The following TAFA2 variants were observed in gnomAD, a reference collection of about 807,000 sequenced individuals.
The protein encoded by TAFA2 is chemokine-like protein TAFA-2.
In TAFA2, 7 loss-of-function variants were observed where a neutral mutation model predicts 18.8. That is an observed-to-expected ratio of 0.37 (90% confidence interval 0.21 to 0.70). TAFA2 has a LOEUF of 0.70. TAFA2 is among the 30% of genes least tolerant of loss of function. The pLI, the probability that TAFA2 is intolerant of heterozygous loss-of-function variation, is 0.53. For missense variants in TAFA2, 122 were observed against 158.1 expected (o/e 0.77, Z 1.23); for synonymous variants, 60 against 54.2 (o/e 1.11, Z -0.47).
chr12:62,234,710 C>T (rs1010352381), intron 1 of TAFA2: 41 of 1,071,746 alleles, frequency 3.8e-5, no homozygotes, highest in Non-Finnish European at 5.5e-5. Flanking sequence ...AAGGCCTTGC[C>T]TCTGAGGAGC....
At chr12:61,984,362 A>T (rs1879745110) in intron 1 of TAFA2, among the ~76,000 whole-genome samples, 1 of 152,198 alleles carries the variant, frequency 6.6e-6, no homozygotes, top group Non-Finnish European at 1.5e-5. Flanking sequence ...GTGCAGGAGA[A>T]CCCCGGTCTT....
chr12:61,750,790 G>A (rs969189799), intron 4 of TAFA2, among the ~76,000 whole-genome samples: 2 of 152,080 alleles, frequency 1.3e-5, no homozygotes, highest in Non-Finnish European at 2.9e-5. Context: ...TATTTCTCAA[G>A]CCATTTTGCT....
At chr12:61,746,234 T>A (rs554737469) in intron 4 of TAFA2, among the ~76,000 whole-genome samples, 8 of 152,188 alleles carry the variant, frequency 5.3e-5, no homozygotes, top group Non-Finnish European at 1.0e-4. Flanking sequence ...TTCCCTTGCT[T>A]GCACTCACTC....
chr12:62,196,119 C>A (rs992925347), upstream of TAFA2, among the ~76,000 whole-genome samples: 2 of 152,178 alleles, frequency 1.3e-5, no homozygotes, highest in African/African-American at 2.4e-5. Context: ...CATGAACCAA[C>A]CTCTGCTAGT....
At chr12:61,880,190 C>A (rs549909511) in intron 1 of TAFA2, 22 of 522,936 alleles carry the variant, frequency 4.2e-5, no homozygotes, top group Non-Finnish European at 5.7e-5. Flanking sequence ...TGAGGACCTG[C>A]AGATGCTGGC....
intron 1 of TAFA2, among the ~76,000 whole-genome samples, chr12:62,102,037 G>A (rs1869230941): frequency 6.6e-6 from 1 of 152,152 alleles, no homozygotes; most frequent in African/African-American, 2.4e-5. Flanking sequence ...GGACAAGTAG[G>A]AGTTTGCCTA....
chr12:61,915,199 C>T (rs890610445), intron 1 of TAFA2, among the ~76,000 whole-genome samples: 1 of 152,056 alleles, frequency 6.6e-6, no homozygotes, highest in Non-Finnish European at 1.5e-5. Context: ...AGTGATGTGG[C>T]GTAGTCTAGA....
chr12:62,125,957 T>C (rs538029508), intron 1 of TAFA2, among the ~76,000 whole-genome samples: 2 of 152,114 alleles, frequency 1.3e-5, no homozygotes, highest in South Asian at 4.1e-4. Context: ...AATAAGTGAA[T>C]CTGATATTAT....
At chr12:61,755,709 C>A (rs1381549206) in intron 2 of TAFA2, among the ~76,000 whole-genome samples, 2 of 152,060 alleles carry the variant, frequency 1.3e-5, no homozygotes, top group Admixed American at 1.3e-4. Context: ...TGCCTGTAAA[C>A]CCAGTCCAAT....
chr12:61,907,541 T>TG (rs529224989), intron 1 of TAFA2, among the ~76,000 whole-genome samples: 118 of 152,130 alleles, frequency 7.8e-4, no homozygotes, highest in African/African-American at 2.7e-3. Flanking sequence ...GCTGCAGGGG[T>TG]GGGGCCCTCA....
intron 1 of TAFA2, among the ~76,000 whole-genome samples, chr12:61,902,007 T>G (rs1489401460): frequency 6.6e-6 from 1 of 151,120 alleles, no homozygotes; most frequent in East Asian, 1.9e-4. Flanking sequence ...TAGCTATACC[T>G]GTGGATACCA....
At chr12:61,924,948 T>C (rs1483454930) in intron 1 of TAFA2, among the ~76,000 whole-genome samples, 1 of 152,074 alleles carries the variant, frequency 6.6e-6, no homozygotes, top group Non-Finnish European at 1.5e-5. Context: ...TAGTCTCTGA[T>C]GAAACAGATT....
At chr12:61,776,182 G>T (rs1870253910) in intron 2 of TAFA2, 3 of 311,958 alleles carry the variant, frequency 9.6e-6, no homozygotes, top group Non-Finnish European at 1.9e-5. Context: ...CTTGCCAAAA[G>T]AATTAATGTG....
At position 61,796,764 on chromosome 12, in the gene TAFA2, G is replaced by GA. The variant is rs1319779124; in HGVS notation, c.107-41741dup. 4.6e-5 allele frequency among the ~76,000 whole-genome samples: 7 copies of GA among 152,256 alleles called. No homozygotes were observed. In the South Asian group the frequency reaches 1.0e-3, roughly 23 times the overall value. ...ATTTGTCTTTGTGCTTAATAGATGA[G>GA]AAAATAGTGCCTTCCTTCAATTTAT... On this transcript the variant is annotated intron_variant, in intron 2 of 4. Transcript: ENST00000416284.
intron 1 of TAFA2, among the ~76,000 whole-genome samples, chr12:61,911,442 T>C (rs1365188949): frequency 1.3e-5 from 2 of 152,218 alleles, no homozygotes. Flanking sequence ...TGTGTTTAAT[T>C]CTTTCCATGT....
intron 1 of TAFA2, among the ~76,000 whole-genome samples, chr12:62,071,776 T>C (rs1035005608): frequency 1.3e-5 from 2 of 152,158 alleles, no homozygotes; most frequent in African/African-American, 4.8e-5. Context: ...AGAATAAGGC[T>C]AACTTCTAGA....
At chr12:61,944,679 C>T (rs1878189215) in intron 1 of TAFA2, among the ~76,000 whole-genome samples, 1 of 141,548 alleles carries the variant, frequency 7.1e-6, no homozygotes, top group African/African-American at 2.6e-5. Flanking sequence ...ACAAACACCT[C>T]TATGCAAATA....
At chr12:61,916,979 CTAAT>C (rs1188730805) in intron 1 of TAFA2, among the ~76,000 whole-genome samples, 1 of 152,150 alleles carries the variant, frequency 6.6e-6, no homozygotes, top group Non-Finnish European at 1.5e-5. Context: ...TCATTCATGT[CTAAT>C]TAACCTAAAT....
Position 61,984,171 on chromosome 12 carries a change from A to T in TAFA2, c.-1-116745T>A, listed in dbSNP as rs543894271. ...CTAAAAGCAAGGATTTTGTTATTGT[A>T]TTCACTGAGCTATCCCCAGTATGTA... On this transcript the variant is annotated intron_variant, in intron 1 of 4. Transcript: ENST00000416284. Among the ~76,000 whole-genome samples the T allele has an allele frequency of 4.6e-5, 7 of 152,368 alleles. No homozygotes were observed. The South Asian group carries it at 8.3e-4, about 18-fold the overall frequency.
Sources: allele counts gnomAD v4.1 joint callset (sites outside exome capture counted in the v4.1 genomes callset), GRCh38; gene constraint gnomAD v4.1.1; transcripts MANE v1.5; gene names NCBI Gene and HGNC (gene_info 2026-07-23, HGNC 2026-07-21).